MARCHF1: variants seen among roughly 807,000 people sequenced by gnomAD.
The protein encoded by MARCHF1 is membrane associated ring-CH-type finger 1.
A neutral mutation model predicts 54.2 loss-of-function variants in MARCHF1; 40 were observed. The ratio of observed to expected loss-of-function variants is 0.74; its 90% CI spans 0.57 to 0.96. MARCHF1 has a LOEUF of 0.96. MARCHF1 is among the 40% of genes least tolerant of loss of function. The probability of loss-of-function intolerance (pLI) is 0.00; values close to 1 mark genes in which losing one functional copy is unlikely to be tolerated. For synonymous variants in MARCHF1, 236 were observed against 236.3 expected, an observed-to-expected ratio of 1.00 and a Z score of 0.01; for missense variants, 586 against 656.5, an observed-to-expected ratio of 0.89 and a Z score of 1.17.
intron 3 of MARCHF1, among the ~76,000 whole-genome samples, chr4:163,977,509 A>C (rs373490908): frequency 1.8e-4 from 27 of 152,320 alleles, no homozygotes; most frequent in East Asian, 7.7e-4. Flanking sequence ...AATTCAGTTA[A>C]GAGGCTTTTT....
At chr4:163,934,971 T>C (rs1751762479) in intron 3 of MARCHF1, among the ~76,000 whole-genome samples, 1 of 152,286 alleles carries the variant, frequency 6.6e-6, no homozygotes, top group African/African-American at 2.4e-5. Context: ...TCACTATCTA[T>C]GGCAGCTACA....
At chr4:164,382,713 G>A (rs1287216668) in intron 1 of MARCHF1, among the ~76,000 whole-genome samples, 1 of 152,018 alleles carries the variant, frequency 6.6e-6, no homozygotes, top group East Asian at 1.9e-4. Context: ...CCTAAACAAG[G>A]AATTCATCAA....
At chr4:163,722,423 A>C (rs151196375) in intron 4 of MARCHF1, among the ~76,000 whole-genome samples, 3,612 of 152,282 alleles carry the variant, frequency 0.024, 83 homozygotes, top group African/African-American at 0.059. Context: ...GTTCTTTTAC[A>C]TCTGCTGAGG....
intron 2 of MARCHF1, among the ~76,000 whole-genome samples, chr4:164,062,904 C>T (rs2111072079): frequency 6.6e-6 from 1 of 152,300 alleles, no homozygotes; most frequent in Admixed American, 6.5e-5. Context: ...GTTATGTTAG[C>T]AGCCATAAAA....
At chr4:164,145,068 C>G (rs1167478726) in intron 1 of MARCHF1, among the ~76,000 whole-genome samples, 1 of 144,560 alleles carries the variant, frequency 6.9e-6, no homozygotes, top group African/African-American at 2.6e-5. Flanking sequence ...ACTAGAAAAT[C>G]TAGAAGAAAT....
chr4:163,664,994 C>G (rs1743480926), intron 5 of MARCHF1, among the ~76,000 whole-genome samples: 1 of 152,096 alleles, frequency 6.6e-6, no homozygotes, highest in South Asian at 2.1e-4. Flanking sequence ...AAAATAGTCA[C>G]AAAATACAAT....
At chr4:163,957,774 T>C (rs1368554890) in intron 3 of MARCHF1, among the ~76,000 whole-genome samples, 1 of 152,042 alleles carries the variant, frequency 6.6e-6, no homozygotes, top group Non-Finnish European at 1.5e-5. Flanking sequence ...GGACCCACTC[T>C]ACTTACATTG....
intron 4 of MARCHF1, among the ~76,000 whole-genome samples, chr4:163,720,092 T>C (rs1350356563): frequency 6.6e-6 from 1 of 152,142 alleles, no homozygotes; most frequent in Admixed American, 6.5e-5. Context: ...TTAGAAATGA[T>C]GTCCTTGCCC....
intron 3 of MARCHF1, among the ~76,000 whole-genome samples, chr4:163,898,795 T>C (rs757026818): frequency 2.0e-5 from 3 of 152,200 alleles, no homozygotes; most frequent in Non-Finnish European, 4.4e-5. Context: ...TATGTGTCCG[T>C]CAACGATTGA....
At chr4:163,620,756 CTGTT>C (rs1293788786) in intron 5 of MARCHF1, among the ~76,000 whole-genome samples, 1 of 152,026 alleles carries the variant, frequency 6.6e-6, no homozygotes, top group African/African-American at 2.4e-5. Flanking sequence ...TTATTGCTAT[CTGTT>C]TGTGTATGCA....
intron 4 of MARCHF1, among the ~76,000 whole-genome samples, chr4:163,812,872 TTAAC>T (rs1182554480): frequency 6.6e-6 from 1 of 152,172 alleles, no homozygotes; most frequent in Non-Finnish European, 1.5e-5. Context: ...AATATGATAA[TTAAC>T]TATAGACTGT....
intron 1 of MARCHF1, among the ~76,000 whole-genome samples, chr4:164,228,512 C>T (rs1732319761): frequency 6.6e-6 from 1 of 152,126 alleles, no homozygotes; most frequent in Non-Finnish European, 1.5e-5. Flanking sequence ...TCCAAAACAG[C>T]ATAAGAATTA....
intron 3 of MARCHF1, among the ~76,000 whole-genome samples, chr4:163,864,212 C>T (rs1750002967): frequency 6.6e-6 from 1 of 151,938 alleles, no homozygotes; most frequent in African/African-American, 2.4e-5. Flanking sequence ...ACCTGAAAAA[C>T]ATACCTTAGC....
chr4:164,166,382 CA>C (rs1560935720), intron 1 of MARCHF1, among the ~76,000 whole-genome samples: 1 of 151,766 alleles, frequency 6.6e-6, no homozygotes, highest in African/African-American at 2.4e-5. Context: ...TGAAGTTATC[CA>C]AAAAAATCTT....
At chr4:163,719,982 G>C (rs553708016) in intron 4 of MARCHF1, among the ~76,000 whole-genome samples, 1 of 152,124 alleles carries the variant, frequency 6.6e-6, no homozygotes, top group Non-Finnish European at 1.5e-5. Flanking sequence ...TAGGTTGCCT[G>C]TTCACTCTGA....
At chr4:164,211,660 T>C (rs1466064479) in intron 1 of MARCHF1, among the ~76,000 whole-genome samples, 3 of 152,048 alleles carry the variant, frequency 2.0e-5, no homozygotes, top group Non-Finnish European at 2.9e-5. Flanking sequence ...AAAAACTCTT[T>C]GCCCTCATGT....
intron 8 of MARCHF1, among the ~76,000 whole-genome samples, chr4:163,558,429 G>A (rs887703565): frequency 3.3e-5 from 5 of 152,186 alleles, no homozygotes; most frequent in Non-Finnish European, 5.9e-5. Context: ...GCAAGTGGAG[G>A]AGATGCTTCG....
chr4:164,018,769 C>T (rs891915567), intron 2 of MARCHF1, among the ~76,000 whole-genome samples: 3 of 152,116 alleles, frequency 2.0e-5, no homozygotes, highest in African/African-American at 7.2e-5. Flanking sequence ...TTTTGCTTAT[C>T]ATAATAATGC....
At chr4:163,937,830 C>A (rs1028501199) in intron 3 of MARCHF1, among the ~76,000 whole-genome samples, 4 of 152,032 alleles carry the variant, frequency 2.6e-5, no homozygotes, top group African/African-American at 9.7e-5. Flanking sequence ...AAAATTGAAA[C>A]TAGCAGAGTT....
Sources: gnomAD v4.1 joint callset for allele counts (sites outside exome capture counted in the v4.1 genomes callset) on GRCh38, gnomAD v4.1.1 for gene constraint, MANE v1.5 for transcripts, NCBI Gene and HGNC (gene_info 2026-07-23, HGNC 2026-07-21) for gene names.